CHD7: variants seen among roughly 807,000 people sequenced by gnomAD.
CHD7 encodes the protein chromodomain helicase DNA binding protein 7.
Under a neutral mutation model 307.3 loss-of-function variants are expected in CHD7, and 24 were observed. That is an observed-to-expected ratio of 0.08 (90% CI 0.06 to 0.11). The LOEUF (loss-of-function observed/expected upper bound fraction) is 0.11, where lower values mean the gene tolerates loss of function less well. Ranked by LOEUF, CHD7 falls within the 10% of genes least tolerant of loss-of-function variation. The probability of loss-of-function intolerance (pLI) is 1.00; values close to 1 mark genes in which losing one functional copy is unlikely to be tolerated. For missense variants in CHD7, 3,106 were observed against 3,727.1 expected (o/e 0.83, Z 4.34); for synonymous variants, 1,363 against 1,349.9 (o/e 1.01, Z -0.21).
At chr8:60,772,366 TA>T (rs1415967689) in intron 2 of CHD7, among the ~76,000 whole-genome samples, 3 of 152,244 alleles carry the variant, frequency 2.0e-5, no homozygotes, top group African/African-American at 7.2e-5. Flanking sequence ...AAGTTACTTT[TA>T]ATATTGATCC....
chr8:60,724,622 T>C (rs1808078416), intron 1 of CHD7, among the ~76,000 whole-genome samples: 1 of 152,176 alleles, frequency 6.6e-6, no homozygotes, highest in African/African-American at 2.4e-5. Context: ...TAGTTGGCTT[T>C]TTACAACTGG....
intron 1 of CHD7, among the ~76,000 whole-genome samples, chr8:60,719,129 A>C (rs1424097939): frequency 6.6e-6 from 1 of 152,250 alleles, no homozygotes; most frequent in Admixed American, 6.5e-5. Context: ...ACACATGACT[A>C]TGTTTACAGG....
At chr8:60,850,970 C>A (rs1276221864) in intron 26 of CHD7, 62 bp from the exon 27 acceptor site, 10 of 1,174,690 alleles carry the variant, frequency 8.5e-6, no homozygotes, top group South Asian at 2.9e-5. Flanking sequence ...TTCCTACCCA[C>A]CCCCCTTCCT....
chr8:60,698,758 A>G (rs778740578), intron 1 of CHD7, among the ~76,000 whole-genome samples: 5 of 152,184 alleles, frequency 3.3e-5, no homozygotes, highest in Admixed American at 6.5e-5. Context: ...GTCTAGTGGT[A>G]TGACTTGACT....
Position 60,849,081 on chromosome 8 carries a change from C to T in CHD7, c.5331C>T (p.Phe1777=), listed in dbSNP as rs994055456. The T allele has an allele frequency of 1.2e-6, 2 of 1,613,548 alleles. No individual in the cohort carries two copies. Among genetic ancestry groups the T allele is most frequent in the African/African-American group, 2.7e-5 (2 of 74,908 alleles). Residue 1777 remains phenylalanine (F), a synonymous_variant, in exon 25 of 38, where the codon TTC becomes TTT. Coordinates refer to ENST00000423902, the MANE Select transcript of CHD7 (RefSeq NM_017780.4). ...SEADVWIPEP[F]HAEVPADWWD... is the part of the protein sequence containing the mutation. ...CCGATGTGTGGATCCCTGAACCTTT[C>T]CATGCTGAAGTTCCTGCAGATTGGT...
At chr8:60,699,459 T>C (rs1806647280) in intron 1 of CHD7, among the ~76,000 whole-genome samples, 1 of 152,222 alleles carries the variant, frequency 6.6e-6, no homozygotes, top group Admixed American at 6.5e-5. Flanking sequence ...GTTTTGTTTC[T>C]AATCACCTAG....
In CHD7 at chr8:60,867,498, A is replaced by G. The variant is rs1425174232; in HGVS notation, c.*1565A>G. 6.6e-6 allele frequency: 1 copy of G among 152,242 alleles called. No individual in the cohort carries two copies. Among genetic ancestry groups the G allele is most frequent in the African/African-American group, 2.4e-5 (1 of 41,462 alleles). The allele number at this position is 152,242 out of a possible 1,614,324, so 9.4% of individuals were successfully genotyped here. On this transcript the variant is annotated 3_prime_UTR_variant, in exon 38 of 38. Transcript: ENST00000423902. Reference sequence around the variant, plus strand: ...TGACCTTTGGTATTTAAAGTAAAATATAATTTGAGATCTACTGTTTTCACC... The same window carrying G: ...TGACCTTTGGTATTTAAAGTAAAATGTAATTTGAGATCTACTGTTTTCACC...
At chr8:60,719,879 A>G (rs1466182413) in intron 1 of CHD7, among the ~76,000 whole-genome samples, 1 of 152,232 alleles carries the variant, frequency 6.6e-6, no homozygotes, top group Non-Finnish European at 1.5e-5. Flanking sequence ...TGACAAAGGC[A>G]AAAAAATCAT....
At chr8:60,790,951 A>C (rs1433599572) in intron 3 of CHD7, among the ~76,000 whole-genome samples, 1 of 152,092 alleles carries the variant, frequency 6.6e-6, no homozygotes, top group African/African-American at 2.4e-5. Flanking sequence ...GGTCTTGCAG[A>C]TGAGTAGGTT....
At chr8:60,790,805 C>T (rs1811739951) in intron 3 of CHD7, among the ~76,000 whole-genome samples, 1 of 152,122 alleles carries the variant, frequency 6.6e-6, no homozygotes, top group South Asian at 2.1e-4. Flanking sequence ...AGTAATGTTA[C>T]CACCAACTTT....
intron 1 of CHD7, among the ~76,000 whole-genome samples, chr8:60,694,109 A>G (rs1039661693): frequency 6.6e-6 from 1 of 152,256 alleles, no homozygotes; most frequent in African/African-American, 2.4e-5. Flanking sequence ...GAATTCAATA[A>G]TGTTTTCAGA....
intron 5 of CHD7, 112 bp from the exon 6 acceptor site, chr8:60,801,416 C>A: frequency 1.4e-6 from 1 of 737,254 alleles, no homozygotes; most frequent in Non-Finnish European, 2.3e-6. Flanking sequence ...TAACTTTGTA[C>A]CCAGTGACTT....
At chr8:60,753,171 C>G (rs1157452131) in intron 2 of CHD7, among the ~76,000 whole-genome samples, 11 of 152,100 alleles carry the variant, frequency 7.2e-5, no homozygotes, top group South Asian at 2.1e-4. Context: ...AAGTAAGATG[C>G]TAAGTAGTAT....
At chr8:60,798,410 C>T (rs1812133316) in intron 4 of CHD7, among the ~76,000 whole-genome samples, 1 of 152,218 alleles carries the variant, frequency 6.6e-6, no homozygotes, top group Non-Finnish European at 1.5e-5. Context: ...TGGCTTGGAG[C>T]TAACAATATC....
Position 60,865,126 on chromosome 8 carries a change from C to T in CHD7, c.8187C>T (p.Ala2729=), listed in dbSNP as rs1806178855. The T allele has an allele frequency of 7.5e-6, 12 of 1,610,462 alleles. No individual in the cohort carries two copies. Among genetic ancestry groups the T allele is most frequent in the East Asian group, 2.2e-5 (1 of 44,764 alleles). The change falls in exon 38 of 38, where the codon GCC becomes GCT. Residue 2729 remains alanine (A), a synonymous_variant. Coordinates refer to ENST00000423902, the MANE Select transcript of CHD7 (RefSeq NM_017780.4). The surrounding 1 kb of genome is among the most constrained non-coding windows in gnomAD (Gnocchi z 4.3). ...CCAAAAGTGAGATCGCCAGAGCAGC[C>T]GCGGCCGCCGCTGCTGTGGCCTCCA... ...RRPKSEIARA[A]AAAAAVASTS...
intron 1 of CHD7, among the ~76,000 whole-genome samples, chr8:60,737,937 G>A (rs1808791257): frequency 6.6e-6 from 1 of 152,178 alleles, no homozygotes; most frequent in African/African-American, 2.4e-5. Flanking sequence ...TCTTAGACTA[G>A]TGCCTGGATC....
Position 60,800,479 on chromosome 8 carries a change from C to G in CHD7, c.2330C>G (p.Ala777Gly), listed in dbSNP as rs1469195833. The change falls in exon 5 of 38, where the codon GCT (alanine) becomes GGT (glycine). Residue 777 changes from alanine (A) to glycine (G), a missense_variant. Transcript: ENST00000423902. The part of the protein sequence containing the change: ...ISDEEADDAD[A>G]AGRDSPSNTS... ...GATGAGGAGGCAGATGATGCAGATG[C>G]TGCTGGGAGGGATTCCCCCTCCAAC... 1 of 1,613,842 alleles carries G rather than the reference C, an allele frequency of 6.2e-7. No homozygotes were observed. The highest frequency in any genetic ancestry group is 8.5e-7 in the Non-Finnish European group (1 of 1,179,794).
chr8:60,744,726 A>G lies in CHD7; in HGVS notation c.1665+1629A>G, dbSNP rs374851444. ...AAAAATTAGTTGGGCATGGTGGTGC[A>G]TGCCTGTAGTCCCAGCTGCTTGGGA... On this transcript the variant is annotated intron_variant, in intron 2 of 37. Transcript: ENST00000423902. Among the ~76,000 whole-genome samples the G allele has an allele frequency of 2.6e-5, 4 of 151,690 alleles. No homozygotes were observed. In the East Asian group the frequency reaches 5.9e-4, roughly 22 times the overall value.
At chr8:60,744,949 G>A (rs535118823) in intron 2 of CHD7, among the ~76,000 whole-genome samples, 35 of 151,180 alleles carry the variant, frequency 2.3e-4, no homozygotes, top group Admixed American at 2.6e-4. Flanking sequence ...CTGAGGGAGT[G>A]GAGGTCAGGA....
Sources: allele counts gnomAD v4.1 joint callset (sites outside exome capture counted in the v4.1 genomes callset), GRCh38; gene constraint gnomAD v4.1.1; non-coding constraint Gnocchi (gnomAD v3.1); transcripts MANE v1.5; gene names NCBI Gene and HGNC (gene_info 2026-07-23, HGNC 2026-07-21).